SATB1: variants seen among roughly 807,000 people sequenced by gnomAD.
SATB1 encodes DNA-binding protein SATB1.
In SATB1, 11 loss-of-function variants were observed where a neutral mutation model predicts 86.9. The ratio of observed to expected loss-of-function variants is 0.13; its 90% CI spans 0.08 to 0.21. The LOEUF (loss-of-function observed/expected upper bound fraction) is 0.21. Among genes scored for constraint, SATB1 ranks in the 10% least tolerant of loss-of-function variants. SATB1 has a pLI of 1.00. For synonymous variants in SATB1, 357 were observed against 357.2 expected, an observed-to-expected ratio of 1.00 and a Z score of 0.01; for missense variants, 551 against 937.6, an observed-to-expected ratio of 0.59 and a Z score of 5.39.
chr3:18,354,486 T>C (rs1217456489), intron 9 of SATB1, among the ~76,000 whole-genome samples: 1 of 152,174 alleles, frequency 6.6e-6, no homozygotes, highest in Non-Finnish European at 1.5e-5. Flanking sequence ...GAAGATTTTT[T>C]TTAAACTCAG....
chr3:18,434,418 A>G (rs1034244231), intron 2 of SATB1, among the ~76,000 whole-genome samples: 1 of 151,832 alleles, frequency 6.6e-6, no homozygotes, highest in Admixed American at 6.6e-5. Context: ...ACATAGCATA[A>G]CATTTTTATA....
chr3:18,386,629 C>A lies in SATB1; in HGVS notation c.1207-18G>T. 1 of 1,608,544 alleles carries A rather than the reference C, an allele frequency of 6.2e-7. No individual in the cohort carries two copies. Among genetic ancestry groups the A allele is most frequent in the Non-Finnish European group, 8.5e-7 (1 of 1,175,230 alleles). Reference sequence around the variant, plus strand: ...AGCAAGCCCTGCAAGAAATGAAAGGCACAGGGTGAGCCTGCTGCCTTGCTT... The same window carrying A: ...AGCAAGCCCTGCAAGAAATGAAAGGAACAGGGTGAGCCTGCTGCCTTGCTT... On this transcript the variant is annotated intron_variant, in intron 7 of 10. Coordinates refer to ENST00000338745, the MANE Select transcript of SATB1 (RefSeq NM_002971.6). This position sits in a 1 kb window ranked among gnomAD's most constrained non-coding sequence, Gnocchi z 4.5.
intron 5 of SATB1, among the ~76,000 whole-genome samples, chr3:18,397,971 T>C (rs1697050824): frequency 6.6e-6 from 1 of 152,210 alleles, no homozygotes; most frequent in Non-Finnish European, 1.5e-5. Context: ...GAGAAAAACA[T>C]TCTGCAATCT....
chr3:18,354,455 T>A (rs1402713293), intron 9 of SATB1, among the ~76,000 whole-genome samples: 1 of 152,148 alleles, frequency 6.6e-6, no homozygotes, highest in African/African-American at 2.4e-5. Context: ...CAAAAGAAGT[T>A]AGAGGTTCAT....
chr3:18,390,206 G>A (rs573722604), intron 7 of SATB1, among the ~76,000 whole-genome samples: 8 of 152,188 alleles, frequency 5.3e-5, no homozygotes, highest in South Asian at 2.1e-4. Context: ...CTGGCCTCCC[G>A]TTTGTCTCCT....
intron 9 of SATB1, among the ~76,000 whole-genome samples, chr3:18,358,835 T>C (rs183591467): frequency 6.6e-6 from 1 of 152,110 alleles, no homozygotes; most frequent in Admixed American, 6.6e-5. Flanking sequence ...GGCTCCAGTT[T>C]ATTTAAGAGA....
intron 5 of SATB1, among the ~76,000 whole-genome samples, chr3:18,406,884 T>C (rs1697563488): frequency 6.6e-6 from 1 of 152,086 alleles, no homozygotes; most frequent in Non-Finnish European, 1.5e-5. Context: ...TACTGGCTTA[T>C]GAAATAAACA....
In SATB1 at chr3:18,349,609, GGCT is replaced by G; in HGVS notation, c.1850_1852del (p.Gln617del). 6.2e-7 allele frequency: 1 copy of G among 1,613,590 alleles called. No individual in the cohort carries two copies. The highest frequency in any genetic ancestry group is 8.5e-7 in the Non-Finnish European group (1 of 1,179,986). ...TGGGGGGAGCCGAGGGCCTGTCTGT[GGCT>G]GCTGCTGTGGCTGTGGAGGCGGCGG... is the stretch of plus-strand genomic sequence containing the variant. On this transcript the variant is annotated inframe_deletion, in exon 11 of 11. Transcript: ENST00000338745. This position sits in a 1 kb window ranked among gnomAD's most constrained non-coding sequence, Gnocchi z 5.5.
At position 18,349,909 on chromosome 3, in the gene SATB1, G is replaced by A. The variant is rs1247626268; in HGVS notation, c.1780-227C>T. The A allele has an allele frequency of 4.5e-6, 3 of 665,540 alleles. No individual in the cohort carries two copies. The highest frequency in any genetic ancestry group is 7.1e-6 in the Non-Finnish European group (3 of 421,784). 41.2% of individuals were successfully genotyped at this position (665,540 alleles called of 1,614,324 possible). ...ATTAAGACAGCTTTGGGGGGCTACTGCACTTACTTATCAGAGATCAGCAGA... is the reference window on the plus strand; with the variant it reads ...ATTAAGACAGCTTTGGGGGGCTACTACACTTACTTATCAGAGATCAGCAGA... On this transcript the variant is annotated intron_variant, in intron 10 of 10. Transcript: ENST00000338745. This position sits in a 1 kb window ranked among gnomAD's most constrained non-coding sequence, Gnocchi z 5.5.
chr3:18,430,857 T>A (rs925149023), intron 2 of SATB1, among the ~76,000 whole-genome samples: 1 of 152,214 alleles, frequency 6.6e-6, no homozygotes, highest in African/African-American at 2.4e-5. Flanking sequence ...ACAGTTTTAA[T>A]AGACAAAGGT....
At chr3:18,366,272 C>G (rs1014745501) in intron 9 of SATB1, among the ~76,000 whole-genome samples, 1 of 151,462 alleles carries the variant, frequency 6.6e-6, no homozygotes, top group Non-Finnish European at 1.5e-5. Flanking sequence ...TCAAGGTATT[C>G]TCTCAAATGA....
In SATB1 at chr3:18,349,835, C is replaced by T; in HGVS notation, c.1780-153G>A. ...AAGAAAAGGTAGGCCGGCGAAATGG[C>T]CGACAGCATTTACAAAAAAATCAAA... On this transcript the variant is annotated intron_variant, in intron 10 of 10. Transcript: ENST00000338745. This position sits in a 1 kb window ranked among gnomAD's most constrained non-coding sequence, Gnocchi z 5.5. 4.5e-6 allele frequency: 6 copies of T among 1,338,942 alleles called. No homozygotes were observed. Among genetic ancestry groups the T allele is most frequent in the Non-Finnish European group, 5.9e-6 (6 of 1,016,990 alleles). The allele number at this position is 1,338,942 out of a possible 1,614,324, so 82.9% of individuals were successfully genotyped here.
At chr3:18,416,700 A>G (rs181428103) in intron 3 of SATB1, among the ~76,000 whole-genome samples, 1 of 152,226 alleles carries the variant, frequency 6.6e-6, no homozygotes, top group East Asian at 1.9e-4. Context: ...TAAAAAAAAA[A>G]TCTACCTCGA....
At chr3:18,445,184 G>A (rs1699357971) in intron 1 of SATB1, 15 of 974,408 alleles carry the variant, frequency 1.5e-5, no homozygotes, top group African/African-American at 1.8e-5. Context: ...GCCAGGGCCC[G>A]GCCCGCCTCC....
intron 1 of SATB1, chr3:18,445,066 G>T (rs1019941034): frequency 6.1e-6 from 2 of 330,226 alleles, no homozygotes; most frequent in African/African-American, 4.5e-5. Flanking sequence ...CCCGGGACGC[G>T]CATCCAGACG....
intron 9 of SATB1, among the ~76,000 whole-genome samples, chr3:18,367,611 G>C (rs998747648): frequency 2.0e-5 from 3 of 152,214 alleles, no homozygotes; most frequent in African/African-American, 4.8e-5. Context: ...TCTTTGAAAC[G>C]CAGGATTCTT....
chr3:18,351,650 A>G, intron 10 of SATB1: 1 of 507,788 alleles, frequency 2.0e-6, no homozygotes, highest in Non-Finnish European at 3.5e-6. Context: ...TAATTAAAAA[A>G]TAGGTGGTGT....
intron 5 of SATB1, among the ~76,000 whole-genome samples, chr3:18,406,253 T>C (rs1165606947): frequency 6.6e-6 from 1 of 152,018 alleles, no homozygotes; most frequent in Non-Finnish European, 1.5e-5. Flanking sequence ...TAGCCTTAAA[T>C]GGAGTCTCTT....
At chr3:18,360,452 T>C (rs1694853379) in intron 9 of SATB1, among the ~76,000 whole-genome samples, 1 of 152,126 alleles carries the variant, frequency 6.6e-6, no homozygotes, top group South Asian at 2.1e-4. Context: ...TTATTAGCTA[T>C]TGCTGAGCAC....
Sources: gnomAD v4.1 joint callset for allele counts (sites outside exome capture counted in the v4.1 genomes callset) on GRCh38, gnomAD v4.1.1 for gene constraint, Gnocchi (gnomAD v3.1) non-coding constraint, MANE v1.5 for transcripts, NCBI Gene and HGNC (gene_info 2026-07-23, HGNC 2026-07-21) for gene names.